Variants in ZNF652 observed in about 807,000 individuals in gnomAD.
The protein encoded by ZNF652 is zinc finger protein 652.
A neutral mutation model predicts 45.2 loss-of-function variants in ZNF652; 16 were observed. That is an observed-to-expected ratio of 0.35 (90% CI 0.24 to 0.54). ZNF652 has a LOEUF of 0.54. Ranked by LOEUF, ZNF652 falls within the 20% of genes least tolerant of loss-of-function variation. The probability of loss-of-function intolerance (pLI) is 0.91; values close to 1 mark genes in which losing one functional copy is unlikely to be tolerated. For missense variants in ZNF652, 614 were observed against 765.6 expected (o/e 0.80, Z 2.34); for synonymous variants, 250 against 260.6 (o/e 0.96, Z 0.39).
chr17:49,353,202 GGGCA>G (rs2070300900), intron 1 of ZNF652, among the ~76,000 whole-genome samples: 3 of 151,998 alleles, frequency 2.0e-5, no homozygotes, highest in African/African-American at 7.2e-5. Flanking sequence ...TTTTCTGGAG[GGGCA>G]GGGTCTCACC....
chr17:49,342,185 T>A lies in ZNF652; in HGVS notation c.-259+19724A>T, dbSNP rs540707028. On this transcript the variant is annotated intron_variant, in intron 1 of 5. Coordinates refer to ENST00000430262, the MANE Select transcript of ZNF652 (RefSeq NM_001145365.3). ...TGGATGACAAGAGCAAGACTCAGTC[T>A]CAAAAAAAAAAAAAAGAATTTTCTC... Among the ~76,000 whole-genome samples, 39 of 146,164 alleles carry A rather than the reference T, an allele frequency of 2.7e-4. 2 individuals are homozygous for A. The South Asian group carries it at 8.0e-3, about 30-fold the overall frequency.
At chr17:49,330,791 C>A (rs1042585535) in intron 1 of ZNF652, among the ~76,000 whole-genome samples, 2 of 151,800 alleles carry the variant, frequency 1.3e-5, no homozygotes, top group Non-Finnish European at 1.5e-5. Flanking sequence ...TGGCTGACAC[C>A]TGTAATCCCA....
chr17:49,313,055 A>C (rs571575131), intron 2 of ZNF652, among the ~76,000 whole-genome samples: 1 of 152,372 alleles, frequency 6.6e-6, no homozygotes, highest in Non-Finnish European at 1.5e-5. Flanking sequence ...GGGAGTATGA[A>C]AACAATGGCA....
intron 1 of ZNF652, among the ~76,000 whole-genome samples, chr17:49,352,333 A>G (rs987876512): frequency 6.6e-6 from 1 of 152,094 alleles, no homozygotes; most frequent in African/African-American, 2.4e-5. Context: ...GAAAGAACTT[A>G]TAATATATCC....
In ZNF652 at chr17:49,297,418, G is replaced by A. The variant is rs1439923680; in HGVS notation, c.*995C>T. 1 of 152,456 alleles carries A rather than the reference G, an allele frequency of 6.6e-6. No homozygotes were observed. Among genetic ancestry groups the A allele is most frequent in the East Asian group, 1.9e-4 (1 of 5,200 alleles). 9.4% of individuals were successfully genotyped at this position (152,456 alleles called of 1,614,324 possible). A position where few individuals can be genotyped will look rare whatever the true frequency, so the allele number is the denominator to read the frequency against. On this transcript the variant is annotated 3_prime_UTR_variant, in exon 6 of 6. Coordinates refer to ENST00000430262, the MANE Select transcript of ZNF652 (RefSeq NM_001145365.3). ...TTTTCAAAACATGCAAGCTTTAGGT[G>A]ACTTCCCTGGAAAAGGCCCCATCCC...
At chr17:49,355,885 C>A (rs1359234705) in intron 1 of ZNF652, among the ~76,000 whole-genome samples, 38 of 151,424 alleles carry the variant, frequency 2.5e-4, no homozygotes, top group Non-Finnish European at 1.5e-5. Context: ...GGCAACATAG[C>A]GAGACACCAA....
At chr17:49,337,249 T>A (rs2070095432) in intron 1 of ZNF652, among the ~76,000 whole-genome samples, 2 of 149,418 alleles carry the variant, frequency 1.3e-5, no homozygotes, top group Non-Finnish European at 3.0e-5. Context: ...GGTGGGAGGA[T>A]CACTCGAGCC....
At chr17:49,314,138 G>A (rs1443703703) in intron 2 of ZNF652, among the ~76,000 whole-genome samples, 2 of 151,358 alleles carry the variant, frequency 1.3e-5, no homozygotes, top group African/African-American at 2.4e-5. Context: ...TGAACTCTTA[G>A]TATTACTCTC....
chr17:49,305,339 A>T (rs974009378), intron 5 of ZNF652, among the ~76,000 whole-genome samples: 5 of 152,070 alleles, frequency 3.3e-5, no homozygotes, highest in Admixed American at 3.3e-4. Flanking sequence ...ATTTTATCTT[A>T]TTATTTTTTG....
rs752498091 is a variant in ZNF652, at chr17:49,297,681, A to G, written c.*732T>C. On this transcript the variant is annotated 3_prime_UTR_variant, in exon 6 of 6. Transcript: ENST00000430262. ...GGATGTAAGAATAGCTTTGAATTAT[A>G]GAAGTTATATGCATCTTTAAGAATC... 2.0e-5 allele frequency: 3 copies of G among 152,686 alleles called. No homozygotes were observed. The highest frequency in any genetic ancestry group is 1.9e-4 in the East Asian group (1 of 5,204). 9.5% of individuals were successfully genotyped at this position (152,686 alleles called of 1,614,324 possible).
rs1198943913 is a variant in ZNF652 at position 49,292,008 on chromosome 17, A to G, written c.*6405T>C. Among the ~76,000 whole-genome samples, 2 of 152,198 alleles carry G rather than the reference A, an allele frequency of 1.3e-5. No individual in the cohort carries two copies. Among genetic ancestry groups the G allele is most frequent in the Non-Finnish European group, 2.9e-5 (2 of 68,020 alleles). ...TATCTTTCCTGTTGCCAGACAGGAA[A>G]GATGGAGAATGTATTAACAGCTGCC... On this transcript the variant is annotated 3_prime_UTR_variant, in exon 6 of 6. Coordinates refer to ENST00000430262, the MANE Select transcript of ZNF652 (RefSeq NM_001145365.3).
At chr17:49,347,343 T>C (rs908199559) in intron 1 of ZNF652, among the ~76,000 whole-genome samples, 1 of 152,188 alleles carries the variant, frequency 6.6e-6, no homozygotes, top group African/African-American at 2.4e-5. Flanking sequence ...GATGTGTGGA[T>C]TGCTTGAACT....
intron 1 of ZNF652, among the ~76,000 whole-genome samples, chr17:49,331,475 A>C (rs1052168141): frequency 2.6e-5 from 4 of 152,088 alleles, no homozygotes; most frequent in Non-Finnish European, 5.9e-5. Context: ...GAACTGAGAT[A>C]TATTTATCAG....
intron 5 of ZNF652, among the ~76,000 whole-genome samples, chr17:49,302,916 C>T (rs184685846): frequency 0.016 from 2,481 of 151,948 alleles, 61 homozygotes; most frequent in African/African-American, 0.057. Flanking sequence ...GAGCCGAGAT[C>T]GTGCCATTGC....
chr17:49,306,507 T>C (rs995472144), intron 5 of ZNF652, among the ~76,000 whole-genome samples: 2 of 152,090 alleles, frequency 1.3e-5, no homozygotes, highest in Non-Finnish European at 2.9e-5. Flanking sequence ...ATTGCCTAGG[T>C]TGGTCTTGAA....
Position 49,298,411 on chromosome 17 carries a change from T to C in ZNF652, c.*2A>G, listed in dbSNP as rs1401649379. 1.2e-6 allele frequency: 2 copies of C among 1,612,308 alleles called. No individual in the cohort carries two copies. Among genetic ancestry groups the C allele is most frequent in the Admixed American group, 1.7e-5 (1 of 59,996 alleles). ...CTGGAGAACACACTAAGGAGACGGA[T>C]GTTAATGATGCTGTGCTGAACTGTT... On this transcript the variant is annotated 3_prime_UTR_variant, in exon 6 of 6. Coordinates refer to ENST00000430262, the MANE Select transcript of ZNF652 (RefSeq NM_001145365.3).
intron 1 of ZNF652, among the ~76,000 whole-genome samples, chr17:49,334,723 G>A (rs968848580): frequency 1.3e-5 from 2 of 150,888 alleles, no homozygotes. Context: ...AGGTTGCAGT[G>A]AGCTGAGATC....
chr17:49,292,353 A>G lies in ZNF652; in HGVS notation c.*6060T>C, dbSNP rs558486220. ...TTTCATCACGGAGGTGCTCGATCATATTATATAAAACACTGCAACCTCCTT... is the reference window on the plus strand; with the variant it reads ...TTTCATCACGGAGGTGCTCGATCATGTTATATAAAACACTGCAACCTCCTT... On this transcript the variant is annotated 3_prime_UTR_variant, in exon 6 of 6. Coordinates refer to ENST00000430262, the MANE Select transcript of ZNF652 (RefSeq NM_001145365.3). Among the ~76,000 whole-genome samples, 1 of 152,280 alleles carries G rather than the reference A, an allele frequency of 6.6e-6. No homozygotes were observed. Among genetic ancestry groups the G allele is most frequent in the East Asian group, 1.9e-4 (1 of 5,178 alleles).
chr17:49,350,981 A>G (rs879523406), intron 1 of ZNF652, among the ~76,000 whole-genome samples: 6,392 of 29,862 alleles, frequency 0.21, 338 homozygotes, highest in Middle Eastern at 0.32. Flanking sequence ...ATATATATAT[A>G]TATATATATA....
Sources: allele counts gnomAD v4.1 joint callset (sites outside exome capture counted in the v4.1 genomes callset), GRCh38; gene constraint gnomAD v4.1.1; transcripts MANE v1.5; gene names NCBI Gene and HGNC (gene_info 2026-07-23, HGNC 2026-07-21).